The following VTI1B variants were observed in gnomAD, a reference collection of about 807,000 sequenced individuals.
VTI1B encodes vesicle transport through interaction with t-SNAREs 1B.
In VTI1B, 18 loss-of-function variants were observed where a neutral mutation model predicts 28.6. The ratio of observed to expected loss-of-function variants is 0.63; its 90% CI spans 0.43 to 0.93. VTI1B has a LOEUF of 0.93. Among genes scored for constraint, VTI1B ranks in the 40% least tolerant of loss-of-function variants. VTI1B has a pLI of 0.00. For synonymous variants in VTI1B, 100 were observed against 107.9 expected (o/e 0.93, Z 0.46); for missense variants, 283 against 297.0 (o/e 0.95, Z 0.35).
At chr14:67,657,786 TCGCCCGGG>T (rs2037282236) in intron 3 of VTI1B, among the ~76,000 whole-genome samples, 1 of 150,906 alleles carries the variant, frequency 6.6e-6, no homozygotes, top group Non-Finnish European at 1.5e-5. Context: ...TCTCGCTCTG[TCGCCCGGG>T]CTGGAGTGGA....
At chr14:67,671,112 G>C (rs969126524) in intron 1 of VTI1B, among the ~76,000 whole-genome samples, 1 of 152,202 alleles carries the variant, frequency 6.6e-6, no homozygotes, top group African/African-American at 2.4e-5. Flanking sequence ...AACATTTATT[G>C]AGCAGTGTGA....
At chr14:67,671,530 A>C (rs2037465018) in intron 1 of VTI1B, among the ~76,000 whole-genome samples, 1 of 152,176 alleles carries the variant, frequency 6.6e-6, no homozygotes, top group African/African-American at 2.4e-5. Context: ...TATCTCAAAA[A>C]AACAAAAAAA....
In VTI1B at chr14:67,651,448, G is replaced by GATA; in HGVS notation, c.633_635dup (p.Ile213dup). On this transcript the variant is annotated inframe_insertion, in exon 6 of 6. Coordinates refer to ENST00000554659, the MANE Select transcript of VTI1B (RefSeq NM_006370.3). ...CCAGGATGGCGAGCTCCAGTAAGAT[G>GATA]ATAATGGAAAGCAGCAGCTTGTTGG... 1.2e-6 allele frequency: 2 copies of GATA among 1,613,958 alleles called. No individual in the cohort carries two copies. The highest frequency in any genetic ancestry group is 4.5e-5 in the East Asian group (2 of 44,882).
At position 67,674,394 on chromosome 14, in the gene VTI1B, C is replaced by G. The variant is rs773907622; in HGVS notation, c.96G>C (p.Leu32=). ...HEDLQGVPER[L]LGTAGTEEKK... Reference sequence around the variant, plus strand: ...CCTCACCGGTCCCCGCCGTCCCCAGCAGCCGCTCGGGCACCCCTTGTAGGT... The same window carrying G: ...CCTCACCGGTCCCCGCCGTCCCCAGGAGCCGCTCGGGCACCCCTTGTAGGT... Residue 32 remains leucine, a synonymous_variant, in exon 1 of 6, where the codon CTG becomes CTC. Transcript: ENST00000554659. 1.1e-5 allele frequency: 18 copies of G among 1,602,266 alleles called. No individual in the cohort carries two copies. Among genetic ancestry groups the G allele is most frequent in the Non-Finnish European group, 1.4e-5 (17 of 1,176,012 alleles).
chr14:67,662,386 AG>A lies in VTI1B; in HGVS notation c.174+90del, dbSNP rs904061094. 3.6e-5 allele frequency: 41 copies of A among 1,128,608 alleles called. No individual in the cohort carries two copies. In the Admixed American group the frequency reaches 9.2e-4, roughly 25 times the overall value. The allele number at this position is 1,128,608 out of a possible 1,614,324, so 69.9% of individuals were successfully genotyped here. ...ATAGTCAAAATCAAGATCAATGGAC[AG>A]GAACAGTTAATTTGTGATCAGCTCA... On this transcript the variant is annotated intron_variant, in intron 2 of 5. Coordinates refer to ENST00000554659, the MANE Select transcript of VTI1B (RefSeq NM_006370.3).
intron 3 of VTI1B, among the ~76,000 whole-genome samples, chr14:67,657,624 C>CA (rs1566812567): frequency 0.035 from 4,943 of 143,132 alleles, 211 homozygotes; most frequent in African/African-American, 0.11. Flanking sequence ...ACACACACAC[C>CA]CAAAATCAAA....
chr14:67,672,394 C>T (rs1227966045), intron 1 of VTI1B, among the ~76,000 whole-genome samples: 1 of 151,768 alleles, frequency 6.6e-6, no homozygotes, highest in Admixed American at 6.6e-5. Flanking sequence ...GCTGGGATTA[C>T]AGGTGTGAGC....
In VTI1B at chr14:67,647,335, G is replaced by A. The variant is rs1594830479; in HGVS notation, c.*4050C>T. On this transcript the variant is annotated 3_prime_UTR_variant, in exon 6 of 6. Coordinates refer to ENST00000554659, the MANE Select transcript of VTI1B (RefSeq NM_006370.3). ...ACTGTCCCATTCTTCCCAGCCTCAC[G>A]ATTGTTTCATCTGAGTTTTATATTA... 4.2e-6 allele frequency: 1 copy of A among 237,096 alleles called. No individual in the cohort carries two copies. Among genetic ancestry groups the A allele is most frequent in the Non-Finnish European group, 8.1e-6 (1 of 123,608 alleles). The allele number at this position is 237,096 out of a possible 1,614,324, so 14.7% of individuals were successfully genotyped here. A position where few individuals can be genotyped will look rare whatever the true frequency, so the allele number is the denominator to read the frequency against.
At chr14:67,670,386 T>C (rs553154522) in intron 1 of VTI1B, among the ~76,000 whole-genome samples, 1 of 152,236 alleles carries the variant, frequency 6.6e-6, no homozygotes, top group South Asian at 2.1e-4. Context: ...GTATTCCATG[T>C]TTTACTCCTG....
At chr14:67,672,447 CTTT>C (rs764198286) in intron 1 of VTI1B, among the ~76,000 whole-genome samples, 10 of 116,820 alleles carry the variant, frequency 8.6e-5, no homozygotes, top group Admixed American at 9.5e-5. Flanking sequence ...CTTTTCTTTT[CTTT>C]TTTTTTTTTT....
rs1275216204 is a variant in VTI1B at position 67,648,310 on chromosome 14, G to C, written c.*3075C>G. The C allele has an allele frequency of 9.1e-7, 1 of 1,100,714 alleles. No individual in the cohort carries two copies. Among genetic ancestry groups the C allele is most frequent in the Non-Finnish European group, 1.3e-6 (1 of 795,378 alleles). The allele number at this position is 1,100,714 out of a possible 1,614,324, so 68.2% of individuals were successfully genotyped here. A position where few individuals can be genotyped will look rare whatever the true frequency, so the allele number is the denominator to read the frequency against. On this transcript the variant is annotated 3_prime_UTR_variant, in exon 6 of 6. Transcript: ENST00000554659. Reference sequence around the variant, plus strand: ...GTTTGTTTTTGCTTAAACTTTTGTAGCTAAAAATTATATGGCCATGCTAAT... The same window carrying C: ...GTTTGTTTTTGCTTAAACTTTTGTACCTAAAAATTATATGGCCATGCTAAT...
In VTI1B at chr14:67,647,736, C is replaced by G. The variant is rs1269292508; in HGVS notation, c.*3649G>C. 6 of 232,918 alleles carry G rather than the reference C, an allele frequency of 2.6e-5. No individual in the cohort carries two copies. The highest frequency in any genetic ancestry group is 5.0e-5 in the Non-Finnish European group (6 of 120,508). 14.4% of individuals were successfully genotyped at this position (232,918 alleles called of 1,614,324 possible). A position where few individuals can be genotyped will look rare whatever the true frequency, so the allele number is the denominator to read the frequency against. ...CAATCTCATCTAGAAGTGAAGAAAT[C>G]TCTCTATTGACAGTTATTAGTATAA... is the stretch of plus-strand genomic sequence containing the variant. On this transcript the variant is annotated 3_prime_UTR_variant, in exon 6 of 6. Coordinates refer to ENST00000554659, the MANE Select transcript of VTI1B (RefSeq NM_006370.3).
At chr14:67,663,388 A>T (rs1342081489) in intron 1 of VTI1B, among the ~76,000 whole-genome samples, 3 of 152,136 alleles carry the variant, frequency 2.0e-5, no homozygotes, top group African/African-American at 7.2e-5. Context: ...AATGTAAGTG[A>T]CAAGGCTGGG....
At position 67,648,253 on chromosome 14, in the gene VTI1B, G is replaced by T; in HGVS notation, c.*3132C>A. ...TATGCTAGAGTCTCTTGCCTGCAAA[G>T]GATCTTTTCTGCTATTCCACATCAT... On this transcript the variant is annotated 3_prime_UTR_variant, in exon 6 of 6. Coordinates refer to ENST00000554659, the MANE Select transcript of VTI1B (RefSeq NM_006370.3). 4 of 1,508,594 alleles carry T rather than the reference G, an allele frequency of 2.7e-6. No homozygotes were observed. Among genetic ancestry groups the T allele is most frequent in the South Asian group, 1.3e-5 (1 of 79,040 alleles). 93.5% of individuals were successfully genotyped at this position (1,508,594 alleles called of 1,614,324 possible).
At chr14:67,662,454 C>T (rs759715352) in intron 2 of VTI1B, 23 bp downstream of exon 2, 1 of 1,609,824 alleles carries the variant, frequency 6.2e-7, no homozygotes, top group Admixed American at 1.7e-5. Flanking sequence ...GTAGAAGAAA[C>T]AAAATTTGTT....
Position 67,651,027 on chromosome 14 carries a change from A to G in VTI1B, c.*358T>C. The G allele has an allele frequency of 8.5e-7, 1 of 1,182,370 alleles. No homozygotes were observed. The highest frequency in any genetic ancestry group is 1.5e-5 in the African/African-American group (1 of 66,428). The allele number at this position is 1,182,370 out of a possible 1,614,324, so 73.2% of individuals were successfully genotyped here. ...TGTCTGGGTCAATACTGCCTTAATG[A>G]GAACATTTACACATTCTCACAATTG... On this transcript the variant is annotated 3_prime_UTR_variant, in exon 6 of 6. Coordinates refer to ENST00000554659, the MANE Select transcript of VTI1B (RefSeq NM_006370.3).
At position 67,650,988 on chromosome 14, in the gene VTI1B, GAATACTA is replaced by G; in HGVS notation, c.*390_*396del. 1 of 1,462,712 alleles carries G rather than the reference GAATACTA, an allele frequency of 6.8e-7. No individual in the cohort carries two copies. Among genetic ancestry groups the G allele is most frequent in the South Asian group, 1.2e-5 (1 of 85,580 alleles). The allele number at this position is 1,462,712 out of a possible 1,614,324, so 90.6% of individuals were successfully genotyped here. Reference sequence around the variant, plus strand: ...ATTATGAGGCATTGAGGGGATAGATGAATACTAAATGGTTGTCTGGGTCAATACTGCC... The same window carrying G: ...ATTATGAGGCATTGAGGGGATAGATGAATGGTTGTCTGGGTCAATACTGCC... On this transcript the variant is annotated 3_prime_UTR_variant, in exon 6 of 6. Transcript: ENST00000554659.
intron 4 of VTI1B, among the ~76,000 whole-genome samples, chr14:67,655,344 C>T (rs2037242039): frequency 6.6e-6 from 1 of 151,932 alleles, no homozygotes; most frequent in African/African-American, 2.4e-5. Flanking sequence ...CTAAAAAATT[C>T]CTATGTAGGT....
At position 67,665,678 on chromosome 14, in the gene VTI1B, T is replaced by A. The variant is rs151021031; in HGVS notation, c.116-3143A>T. Among the ~76,000 whole-genome samples, 4 of 152,360 alleles carry A rather than the reference T, an allele frequency of 2.6e-5. No homozygotes were observed. In the East Asian group the frequency reaches 7.7e-4, roughly 29 times the overall value. On this transcript the variant is annotated intron_variant, in intron 1 of 5. Coordinates refer to ENST00000554659, the MANE Select transcript of VTI1B (RefSeq NM_006370.3). ...TGGAAATTTATTTTGTCATTTTTAC[T>A]GTGCCATAGATCCTAGAACTATAAA... is the stretch of plus-strand genomic sequence containing the variant.
Sources: allele counts gnomAD v4.1 joint callset (sites outside exome capture counted in the v4.1 genomes callset), GRCh38; gene constraint gnomAD v4.1.1; transcripts MANE v1.5; gene names NCBI Gene and HGNC (gene_info 2026-07-23, HGNC 2026-07-21).